Variants in PAPPA observed in about 807,000 individuals in gnomAD.
PAPPA encodes the protein pappalysin-1.
Under a neutral mutation model 164.0 loss-of-function variants are expected in PAPPA, and 60 were observed. The observed-to-expected ratio is 0.37, with a 90% CI of 0.30 to 0.45. The LOEUF (loss-of-function observed/expected upper bound fraction) is 0.45. PAPPA is among the 20% of genes least tolerant of loss of function. The pLI is 1.00. For synonymous variants in PAPPA, 875 were observed against 814.1 expected (o/e 1.07, Z -1.27); for missense variants, 1,782 against 2,087.3 (o/e 0.85, Z 2.85).
chr9:116,230,429 G>A (rs1347396211), intron 6 of PAPPA, among the ~76,000 whole-genome samples: 1 of 152,136 alleles, frequency 6.6e-6, no homozygotes, highest in Non-Finnish European at 1.5e-5. Context: ...TGCAGGGGAG[G>A]GAAAGGAGGA....
Position 116,398,075 on chromosome 9 carries a change from G to A in PAPPA, c.*1459G>A, listed in dbSNP as rs1395341878. 1.3e-5 allele frequency: 2 copies of A among 153,376 alleles called. No individual in the cohort carries two copies. The highest frequency in any genetic ancestry group is 2.9e-5 in the Non-Finnish European group (2 of 69,022). The allele number at this position is 153,376 out of a possible 1,614,324, so 9.5% of individuals were successfully genotyped here. A position where few individuals can be genotyped will look rare whatever the true frequency, so the allele number is the denominator to read the frequency against. ...AGTACTCCCTTCCATACCTGTGACT[G>A]GGCAGTGCTTTTCTCTCTCCCATGT... On this transcript the variant is annotated 3_prime_UTR_variant, in exon 22 of 22. Transcript: ENST00000328252.
rs180785623 is a variant in PAPPA, at chr9:116,170,428, G to C, written c.415+15841G>C. On this transcript the variant is annotated intron_variant, in intron 1 of 21. Transcript: ENST00000328252. ...CAAACTCTGCTTTCTGAGTTTCTCT[G>C]AGTTTTTAAATAGGCAAGTACACTT... Among the ~76,000 whole-genome samples, 20 of 152,162 alleles carry C rather than the reference G, an allele frequency of 1.3e-4. No individual in the cohort carries two copies. The East Asian group carries it at 3.9e-3, about 29-fold the overall frequency.
rs1041058984 is a variant in PAPPA at position 116,248,951 on chromosome 9, C to G, written c.2732+13314C>G. Among the ~76,000 whole-genome samples, 4 of 152,178 alleles carry G rather than the reference C, an allele frequency of 2.6e-5. No homozygotes were observed. The East Asian group carries it at 7.7e-4, about 29-fold the overall frequency. On this transcript the variant is annotated intron_variant, in intron 7 of 21. Coordinates refer to ENST00000328252, the MANE Select transcript of PAPPA (RefSeq NM_002581.5). ...ATTGAAAGGACAAATGAGAATCTTA[C>G]AGCATGGTCACTGCTCCTCTTGGGG...
At chr9:116,310,745 T>G (rs905668196) in intron 10 of PAPPA, among the ~76,000 whole-genome samples, 4 of 152,152 alleles carry the variant, frequency 2.6e-5, no homozygotes, top group African/African-American at 9.7e-5. Context: ...ACTGAAAAAC[T>G]CTGAGTGACT....
chr9:116,376,209 C>T (rs768738851), intron 19 of PAPPA, among the ~76,000 whole-genome samples: 2 of 151,870 alleles, frequency 1.3e-5, no homozygotes, highest in Non-Finnish European at 2.9e-5. Flanking sequence ...TTAGTAGAGA[C>T]GGGGTTTCAC....
intron 10 of PAPPA, among the ~76,000 whole-genome samples, chr9:116,327,693 G>C (rs10513273): frequency 0.62 from 94,938 of 152,060 alleles, 30,926 homozygotes; most frequent in East Asian, 0.88. Flanking sequence ...CATGGGCAAG[G>C]CTCTTTTGTT....
chr9:116,329,009 A>G (rs1055397784), intron 10 of PAPPA, among the ~76,000 whole-genome samples: 4 of 152,254 alleles, frequency 2.6e-5, no homozygotes, highest in African/African-American at 9.6e-5. Flanking sequence ...ATTATAATGC[A>G]ACCATGTGCT....
At chr9:116,249,268 G>GA (rs368475117) in intron 7 of PAPPA, among the ~76,000 whole-genome samples, 3 of 152,204 alleles carry the variant, frequency 2.0e-5, no homozygotes, top group African/African-American at 4.8e-5. Context: ...AGAATCTCCT[G>GA]AAAGAGGCAG....
At chr9:116,209,676 G>T (rs1046414122) in intron 3 of PAPPA, among the ~76,000 whole-genome samples, 1 of 152,184 alleles carries the variant, frequency 6.6e-6, no homozygotes, top group Non-Finnish European at 1.5e-5. Flanking sequence ...TGAGTTGGGA[G>T]GGGATGAGGT....
At chr9:116,173,203 C>T (rs969635174) in intron 1 of PAPPA, among the ~76,000 whole-genome samples, 1 of 152,104 alleles carries the variant, frequency 6.6e-6, no homozygotes, top group Non-Finnish European at 1.5e-5. Flanking sequence ...CCATTTAGAG[C>T]CTTAAAGCGT....
chr9:116,224,240 G>T (rs1844478173), intron 5 of PAPPA, among the ~76,000 whole-genome samples: 1 of 152,148 alleles, frequency 6.6e-6, no homozygotes, highest in Admixed American at 6.5e-5. Flanking sequence ...GGCCACCCCT[G>T]GTTTTCCTAA....
intron 2 of PAPPA, among the ~76,000 whole-genome samples, chr9:116,194,150 A>G (rs1181477230): frequency 1.3e-5 from 2 of 152,226 alleles, no homozygotes. Flanking sequence ...CTGATTTAGA[A>G]TGAAAGAATT....
intron 9 of PAPPA, among the ~76,000 whole-genome samples, chr9:116,290,989 C>G (rs1321986017): frequency 1.3e-5 from 2 of 152,100 alleles, no homozygotes; most frequent in East Asian, 1.9e-4. Flanking sequence ...TCATGTGACA[C>G]TGGATTTTAC....
intron 9 of PAPPA, among the ~76,000 whole-genome samples, chr9:116,287,769 C>T (rs1845358728): frequency 6.6e-6 from 1 of 152,176 alleles, no homozygotes; most frequent in South Asian, 2.1e-4. Context: ...TATCCAGGGT[C>T]CTATTCTTTG....
At chr9:116,253,621 G>T (rs534912017) in intron 7 of PAPPA, among the ~76,000 whole-genome samples, 1 of 151,978 alleles carries the variant, frequency 6.6e-6, no homozygotes, top group African/African-American at 2.4e-5. Flanking sequence ...GAAATAAAAG[G>T]TTTCCTTAAA....
intron 10 of PAPPA, among the ~76,000 whole-genome samples, chr9:116,303,621 C>A (rs1845608128): frequency 1.3e-5 from 2 of 152,192 alleles, no homozygotes; most frequent in Admixed American, 1.3e-4. Flanking sequence ...CAAGGAAGCA[C>A]CTGCCTTCCC....
At chr9:116,363,264 C>A (rs1846453720) in intron 18 of PAPPA, among the ~76,000 whole-genome samples, 3 of 152,126 alleles carry the variant, frequency 2.0e-5, no homozygotes, top group Non-Finnish European at 2.9e-5. Context: ...CTCACAATAA[C>A]CTTTAACAGA....
intron 1 of PAPPA, among the ~76,000 whole-genome samples, chr9:116,159,677 C>T (rs184375784): frequency 1.6e-4 from 24 of 152,266 alleles, no homozygotes; most frequent in East Asian, 1.5e-3. Context: ...TCTCACCTTC[C>T]GTTGAGCTGC....
intron 5 of PAPPA, among the ~76,000 whole-genome samples, chr9:116,223,541 C>A (rs774729138): frequency 3.9e-5 from 6 of 152,130 alleles, no homozygotes; most frequent in Non-Finnish European, 8.8e-5. Flanking sequence ...AGTAGCTATT[C>A]TGTTCAGTTT....
Sources: allele counts gnomAD v4.1 joint callset (sites outside exome capture counted in the v4.1 genomes callset), GRCh38; gene constraint gnomAD v4.1.1; transcripts MANE v1.5; gene names NCBI Gene and HGNC (gene_info 2026-07-23, HGNC 2026-07-21).